The following KNTC1 variants were observed in gnomAD, a reference collection of about 807,000 sequenced individuals.
KNTC1 encodes the protein kinetochore-associated protein 1.
KNTC1 carries 253 observed loss-of-function variants against 314.4 expected under a neutral mutation model. That is an observed-to-expected ratio of 0.80 (90% CI 0.73 to 0.89). The LOEUF is 0.89. Among genes scored for constraint, KNTC1 ranks in the 40% least tolerant of loss-of-function variants. The pLI, the probability that KNTC1 is intolerant of heterozygous loss-of-function variation, is 0.00. For missense variants in KNTC1, 2,475 were observed against 2,572.9 expected, an observed-to-expected ratio of 0.96 and a Z score of 0.82; for synonymous variants, 901 against 901.4, an observed-to-expected ratio of 1.00 and a Z score of 0.01.
At chr12:122,562,048 C>T in intron 19 of KNTC1, 74 bp downstream of exon 19, 1 of 1,418,818 alleles carries the variant, frequency 7.0e-7, no homozygotes, top group South Asian at 1.3e-5. Flanking sequence ...TCAAAATAGA[C>T]CCGTATTTTA....
At chr12:122,592,503 C>T (rs1269151855) in intron 42 of KNTC1, among the ~76,000 whole-genome samples, 2 of 152,130 alleles carry the variant, frequency 1.3e-5, no homozygotes, top group Non-Finnish European at 1.5e-5. Flanking sequence ...CTGGTGGGGA[C>T]GTGGAGATTC....
rs186785943 is a variant in KNTC1, at chr12:122,547,660, A to T, written c.932+130A>T. 79 of 684,730 alleles carry T rather than the reference A, an allele frequency of 1.2e-4. No homozygotes were observed. In the Admixed American group the frequency reaches 1.8e-3, roughly 16 times the overall value. The allele number at this position is 684,730 out of a possible 1,614,324, so 42.4% of individuals were successfully genotyped here. A position where few individuals can be genotyped will look rare whatever the true frequency, so the allele number is the denominator to read the frequency against. On this transcript the variant is annotated intron_variant, in intron 11 of 63. Transcript: ENST00000333479. Reference sequence around the variant, plus strand: ...TGTGAAACAGTCTGACAGAGTAAAGACCGTTTGCAAAATTCACTGGGAACA... The same window carrying T: ...TGTGAAACAGTCTGACAGAGTAAAGTCCGTTTGCAAAATTCACTGGGAACA...
Position 122,618,461 on chromosome 12 carries a change from GT to G in KNTC1, c.6086-14del, listed in dbSNP as rs139890796. On this transcript the variant is annotated intron_variant, in intron 58 of 63. Transcript: ENST00000333479. ...AGTTGAGTGTGTGTATATCATGGTTGTTTTTTTGTTTTGTTTTCAGCCTCTT... is the reference window on the plus strand; with the variant it reads ...AGTTGAGTGTGTGTATATCATGGTTGTTTTTTGTTTTGTTTTCAGCCTCTT... 2 of 1,559,418 alleles carry G rather than the reference GT, an allele frequency of 1.3e-6. No homozygotes were observed. Among genetic ancestry groups the G allele is most frequent in the African/African-American group, 2.9e-5 (2 of 69,560 alleles).
intron 33 of KNTC1, among the ~76,000 whole-genome samples, chr12:122,581,959 C>T (rs909499172): frequency 6.6e-6 from 1 of 152,166 alleles, no homozygotes; most frequent in African/African-American, 2.4e-5. Flanking sequence ...GAAAAAATAA[C>T]TCCCCTTTCC....
At chr12:122,615,168 G>C (rs746396099) in intron 56 of KNTC1, 82 bp downstream of exon 56, 81 of 1,000,642 alleles carry the variant, frequency 8.1e-5, no homozygotes, top group Non-Finnish European at 1.2e-4. Flanking sequence ...ATTGATACTT[G>C]TTATGGAACA....
In KNTC1 at chr12:122,577,597, AAAAG is replaced by A. The variant is rs1965113571; in HGVS notation, c.2722-69_2722-66del. The A allele has an allele frequency of 1.2e-5, 17 of 1,367,188 alleles. 1 individual carries two copies. The highest frequency in any genetic ancestry group is 6.8e-5 in the South Asian group (4 of 58,492). 84.7% of individuals were successfully genotyped at this position (1,367,188 alleles called of 1,614,324 possible). ...ATGATGTATTTTCATCTTTAAATAG[AAAAG>A]AAAGAGGTAAGGCCACACCGTCCTT... On this transcript the variant is annotated intron_variant, in intron 30 of 63. Coordinates refer to ENST00000333479, the MANE Select transcript of KNTC1 (RefSeq NM_014708.6).
Position 122,601,548 on chromosome 12 carries a change from G to A in KNTC1, c.4576G>A (p.Asp1526Asn), listed in dbSNP as rs188264424. The A allele has an allele frequency of 1.4e-5, 21 of 1,532,298 alleles. No homozygotes were observed. The East Asian group carries it at 5.2e-4, about 38-fold the overall frequency. The allele number at this position is 1,532,298 out of a possible 1,614,324, so 94.9% of individuals were successfully genotyped here. A position where few individuals can be genotyped will look rare whatever the true frequency, so the allele number is the denominator to read the frequency against. The change falls in exon 45 of 64, where the codon GAC becomes AAC. Residue 1526 changes from aspartate (D) to asparagine (N), a missense_variant. Physicochemically the swap from Asp to Asn is conservative, Grantham distance 23. Coordinates refer to ENST00000333479, the MANE Select transcript of KNTC1 (RefSeq NM_014708.6). ...TGTTTTTATACAGTTGGATCCTTAT[G>A]ACTATGAAATGATTGAAGTTGTCTT... is the stretch of plus-strand genomic sequence containing the variant. ...SGILHKLDPYDYEMIEVVLKV... is the reference protein window; with the variant it reads ...SGILHKLDPYNYEMIEVVLKV...
intron 11 of KNTC1, 45 bp downstream of exon 11, chr12:122,547,575 C>T (rs767963193): frequency 8.7e-7 from 1 of 1,155,984 alleles, no homozygotes; most frequent in Non-Finnish European, 1.3e-6. Context: ...TCTGTTAGTA[C>T]CAGGTATCTT....
At chr12:122,576,753 T>C in intron 29 of KNTC1, 142 bp from the exon 30 acceptor site, 2 of 537,576 alleles carry the variant, frequency 3.7e-6, no homozygotes, top group Non-Finnish European at 3.2e-6. Flanking sequence ...GATCAGAATA[T>C]AAATCATGTT....
rs746197045 is a variant in KNTC1 at position 122,551,580 on chromosome 12, A to C, written c.1197-41A>C. 10 of 1,601,772 alleles carry C rather than the reference A, an allele frequency of 6.2e-6. No individual in the cohort carries two copies. The Middle Eastern group carries it at 9.9e-4, about 159-fold the overall frequency. ...TTTAGTGAATAACTTAAATTCCCTG[A>C]ATAATAAGCATTTAACAAAATTTCT... On this transcript the variant is annotated intron_variant, in intron 15 of 63. Transcript: ENST00000333479.
At chr12:122,606,222 CTTT>C (rs34344479) in intron 51 of KNTC1, among the ~76,000 whole-genome samples, 14 of 109,768 alleles carry the variant, frequency 1.3e-4, no homozygotes, top group African/African-American at 4.5e-4. Flanking sequence ...AGATTGTTTA[CTTT>C]TTTTTTTTTT....
At chr12:122,578,681 A>G (rs1965191049) in intron 31 of KNTC1, among the ~76,000 whole-genome samples, 1 of 152,114 alleles carries the variant, frequency 6.6e-6, no homozygotes, top group Non-Finnish European at 1.5e-5. Context: ...CGGCCTTCCA[A>G]AGTGCTAGGA....
intron 2 of KNTC1, 111 bp from the exon 3 acceptor site, chr12:122,534,553 G>A (rs1005462452): frequency 3.0e-6 from 3 of 1,007,280 alleles, no homozygotes; most frequent in Non-Finnish European, 4.4e-6. Flanking sequence ...AAGAAAAAAA[G>A]CCTGTCAAGT....
chr12:122,589,082 A>T (rs1869785861), intron 40 of KNTC1, among the ~76,000 whole-genome samples: 1 of 151,730 alleles, frequency 6.6e-6, no homozygotes, highest in Non-Finnish European at 1.5e-5. Flanking sequence ...TTTTTTAGAG[A>T]TGAGGTTTTT....
chr12:122,581,027 CAAAAA>C (rs11344365), intron 33 of KNTC1, among the ~76,000 whole-genome samples: 2 of 117,916 alleles, frequency 1.7e-5, no homozygotes, highest in Non-Finnish European at 1.8e-5. Context: ...GACTCCATCT[CAAAAA>C]AAAAAAAAAA....
intron 20 of KNTC1, among the ~76,000 whole-genome samples, chr12:122,566,355 G>A (rs1482560992): frequency 6.6e-6 from 1 of 151,420 alleles, no homozygotes; most frequent in Non-Finnish European, 1.5e-5. Flanking sequence ...CCAGGTTCAA[G>A]TGATTCTCCT....
At chr12:122,545,574 A>T (rs1431222434) in intron 8 of KNTC1, among the ~76,000 whole-genome samples, 1 of 152,154 alleles carries the variant, frequency 6.6e-6, no homozygotes, top group Non-Finnish European at 1.5e-5. Context: ...CTTATCAAAG[A>T]CTATATTTTA....
rs1385703512 is a variant in KNTC1, at chr12:122,574,253, A to G, written c.2284-29A>G. ...TTTTTAATGAGAATTTTTAATTTTT[A>G]AAAAACATACATGTTTATCCCTTTT... On this transcript the variant is annotated intron_variant, in intron 26 of 63. Transcript: ENST00000333479. 4.4e-6 allele frequency: 6 copies of G among 1,362,240 alleles called. No individual in the cohort carries two copies. The Admixed American group carries it at 9.7e-5, about 22-fold the overall frequency. 84.4% of individuals were successfully genotyped at this position (1,362,240 alleles called of 1,614,324 possible).
intron 13 of KNTC1, among the ~76,000 whole-genome samples, chr12:122,550,932 T>TA (rs1355472260): frequency 6.6e-6 from 1 of 152,196 alleles, no homozygotes; most frequent in East Asian, 1.9e-4. Context: ...TTGGCACAAA[T>TA]ACTGCACAGG....
Sources: allele counts gnomAD v4.1 joint callset (sites outside exome capture counted in the v4.1 genomes callset), GRCh38; gene constraint gnomAD v4.1.1; transcripts MANE v1.5; gene names NCBI Gene and HGNC (gene_info 2026-07-23, HGNC 2026-07-21).